BICC1: variants seen among roughly 807,000 people sequenced by gnomAD.
The protein encoded by BICC1 is BicC family RNA binding protein 1.
BICC1 carries 43 observed loss-of-function variants against 111.0 expected under a neutral mutation model. The observed-to-expected ratio is 0.39, with a 90% CI of 0.30 to 0.50. BICC1 has a LOEUF of 0.50. BICC1 is among the 20% of genes least tolerant of loss of function. BICC1 has a pLI of 0.88. For synonymous variants in BICC1, 467 were observed against 434.4 expected, an observed-to-expected ratio of 1.07 and a Z score of -0.93; for missense variants, 1,091 against 1,203.2, an observed-to-expected ratio of 0.91 and a Z score of 1.38.
At chr10:58,540,886 T>C (rs1166135485) in intron 1 of BICC1, among the ~76,000 whole-genome samples, 1 of 152,042 alleles carries the variant, frequency 6.6e-6, no homozygotes, top group African/African-American at 2.4e-5. Context: ...ATTACTGAAA[T>C]GCAAGTATGG....
At chr10:58,740,654 T>A (rs1008344425) in intron 3 of BICC1, among the ~76,000 whole-genome samples, 1 of 152,252 alleles carries the variant, frequency 6.6e-6, no homozygotes, top group Non-Finnish European at 1.5e-5. Context: ...TTAAATCTTT[T>A]AACTCTTATT....
intron 3 of BICC1, among the ~76,000 whole-genome samples, chr10:58,769,283 AACACAC>A (rs3076306): frequency 2.1e-4 from 30 of 145,442 alleles, no homozygotes; most frequent in East Asian, 1.0e-3. Flanking sequence ...AAATGTTCTC[AACACAC>A]ACACACACAC....
chr10:58,782,772 C>G (rs1842915063), intron 3 of BICC1, among the ~76,000 whole-genome samples: 1 of 152,192 alleles, frequency 6.6e-6, no homozygotes, highest in Non-Finnish European at 1.5e-5. Context: ...GTATCTCCCT[C>G]TACCTGGAAG....
At chr10:58,581,685 C>T (rs1202990697) in intron 1 of BICC1, among the ~76,000 whole-genome samples, 1 of 152,044 alleles carries the variant, frequency 6.6e-6, no homozygotes, top group Non-Finnish European at 1.5e-5. Flanking sequence ...TGCTGGGGAT[C>T]GGTTTTTCCT....
At chr10:58,620,763 G>A in intron 1 of BICC1, 92 bp from the exon 2 acceptor site, 1 of 1,210,538 alleles carries the variant, frequency 8.3e-7, no homozygotes, top group Non-Finnish European at 1.2e-6. Context: ...CTGGCATCTT[G>A]TTTGCTTTTG....
chr10:58,723,699 T>C (rs1841010470), intron 3 of BICC1, among the ~76,000 whole-genome samples: 1 of 152,136 alleles, frequency 6.6e-6, no homozygotes, highest in African/African-American at 2.4e-5. Flanking sequence ...AGAAAACTTA[T>C]TATGTGTTCT....
At chr10:58,671,625 T>C (rs1839188792) in intron 2 of BICC1, among the ~76,000 whole-genome samples, 1 of 152,142 alleles carries the variant, frequency 6.6e-6, no homozygotes, top group South Asian at 2.1e-4. Flanking sequence ...TAGGGTGGGC[T>C]GCTTAACTAC....
At chr10:58,753,150 C>G (rs923885454) in intron 3 of BICC1, among the ~76,000 whole-genome samples, 1 of 152,096 alleles carries the variant, frequency 6.6e-6, no homozygotes, top group South Asian at 2.1e-4. Context: ...TTTGATTTTA[C>G]GTTGTTGTTG....
intron 2 of BICC1, among the ~76,000 whole-genome samples, chr10:58,631,767 A>G (rs889755527): frequency 3.3e-5 from 5 of 152,214 alleles, no homozygotes; most frequent in Non-Finnish European, 7.3e-5. Flanking sequence ...ACAAAACAGA[A>G]AAATAACCAG....
chr10:58,793,837 A>G (rs775972562), intron 9 of BICC1, among the ~76,000 whole-genome samples: 4 of 152,170 alleles, frequency 2.6e-5, no homozygotes, highest in Non-Finnish European at 4.4e-5. Flanking sequence ...TTTTCATATT[A>G]GGGATGCCCA....
chr10:58,529,527 G>A (rs551380643), intron 1 of BICC1, among the ~76,000 whole-genome samples: 30 of 151,824 alleles, frequency 2.0e-4, no homozygotes, highest in Non-Finnish European at 3.7e-4. Flanking sequence ...TAAAGCAAAG[G>A]CAATGTTTTG....
intron 1 of BICC1, among the ~76,000 whole-genome samples, chr10:58,579,381 G>A (rs1844203739): frequency 6.6e-6 from 1 of 152,204 alleles, no homozygotes; most frequent in Non-Finnish European, 1.5e-5. Flanking sequence ...GTGCTGACGT[G>A]TCACACCCAC....
intron 2 of BICC1, among the ~76,000 whole-genome samples, chr10:58,693,931 T>A (rs981146806): frequency 7.9e-5 from 12 of 152,226 alleles, no homozygotes; most frequent in African/African-American, 2.9e-4. Flanking sequence ...CATGAAGTCC[T>A]TGACCATGCC....
At chr10:58,698,282 C>G (rs1320841032) in intron 2 of BICC1, among the ~76,000 whole-genome samples, 1 of 152,130 alleles carries the variant, frequency 6.6e-6, no homozygotes, top group East Asian at 1.9e-4. Flanking sequence ...CGTTACCTGT[C>G]CTGGATGTGT....
At chr10:58,781,179 A>C (rs1842874072) in intron 3 of BICC1, among the ~76,000 whole-genome samples, 1 of 152,182 alleles carries the variant, frequency 6.6e-6, no homozygotes, top group African/African-American at 2.4e-5. Context: ...AATATCTGAC[A>C]GTTTTTTTGT....
intron 3 of BICC1, among the ~76,000 whole-genome samples, chr10:58,758,272 C>T (rs1842202785): frequency 6.6e-6 from 1 of 152,148 alleles, no homozygotes; most frequent in Non-Finnish European, 1.5e-5. Flanking sequence ...TTAGCATGTG[C>T]CATATATACT....
chr10:58,544,597 T>C (rs942778950), intron 1 of BICC1, among the ~76,000 whole-genome samples: 7 of 152,044 alleles, frequency 4.6e-5, no homozygotes, highest in African/African-American at 1.7e-4. Flanking sequence ...TAGAAAAAAG[T>C]TTTACATTGT....
chr10:58,798,888 A>T (rs995663152), intron 11 of BICC1, among the ~76,000 whole-genome samples, 168 bp from the exon 12 acceptor site: 1 of 152,158 alleles, frequency 6.6e-6, no homozygotes, highest in African/African-American at 2.4e-5. Flanking sequence ...TCCGATTTTA[A>T]CACTCTTTTG....
At chr10:58,561,229 C>T (rs1843594813) in intron 1 of BICC1, among the ~76,000 whole-genome samples, 1 of 151,842 alleles carries the variant, frequency 6.6e-6, no homozygotes, top group African/African-American at 2.4e-5. Context: ...CTGGGTTTTC[C>T]AGTGCTGGGT....
Sources: allele counts gnomAD v4.1 joint callset (sites outside exome capture counted in the v4.1 genomes callset), GRCh38; gene constraint gnomAD v4.1.1; transcripts MANE v1.5; gene names NCBI Gene and HGNC (gene_info 2026-07-23, HGNC 2026-07-21).